SERTM2: variants seen among roughly 807,000 people sequenced by gnomAD.
The protein encoded by SERTM2 is serine rich and transmembrane domain containing 2.
chrX:111,517,610 G>T lies in SERTM2; in HGVS notation c.-783-465G>T, dbSNP rs892723400. 8.1e-5 allele frequency among the ~76,000 whole-genome samples: 9 copies of T among 110,719 alleles called. No individual in the cohort carries two copies. In the East Asian group the frequency reaches 2.3e-3, roughly 28 times the overall value. ...ATGTAAATAGGGTCAACTATTTACT[G>T]CTGAAGTCTTCCAAAATGATTTAAC... On this transcript the variant is annotated intron_variant, in intron 2 of 2. Transcript: ENST00000569275.
Position 111,521,825 on chromosome X carries a change from T to C in SERTM2, c.*2695T>C, listed in dbSNP as rs1369741641. The C allele has an allele frequency of 9.0e-6, 1 of 111,378 alleles. No individual in the cohort carries two copies. Among genetic ancestry groups the C allele is most frequent in the Admixed American group, 9.6e-5 (1 of 10,407 alleles). The allele number at this position is 111,378 out of a possible 1,213,427, so 9.2% of individuals were successfully genotyped here. Reference sequence around the variant, plus strand: ...TTTGATAGGCCAAAAAATGCTCAAATATCACCAACTTCATAAAATTCAACC... The same window carrying C: ...TTTGATAGGCCAAAAAATGCTCAAACATCACCAACTTCATAAAATTCAACC... On this transcript the variant is annotated 3_prime_UTR_variant, in exon 3 of 3. Transcript: ENST00000569275.
At position 111,520,269 on chromosome X, in the gene SERTM2, G is replaced by A. The variant is rs1430962552; in HGVS notation, c.*1139G>A. ...CCATTCTCATAAGTAGCCCTAGTAT[G>A]CCAGTAGTGTGGAGAGAATTTAATT... On this transcript the variant is annotated 3_prime_UTR_variant, in exon 3 of 3. Coordinates refer to ENST00000569275, the MANE Select transcript of SERTM2 (RefSeq NM_001354473.2). 11 of 111,717 alleles carry A rather than the reference G, an allele frequency of 9.8e-5. No individual in the cohort carries two copies. In the Admixed American group the frequency reaches 1.0e-3, roughly 11 times the overall value. 9.2% of individuals were successfully genotyped at this position (111,717 alleles called of 1,213,427 possible). A position where few individuals can be genotyped will look rare whatever the true frequency, so the allele number is the denominator to read the frequency against.
chrX:111,517,371 T>C (rs1930332211), intron 2 of SERTM2, among the ~76,000 whole-genome samples: 1 of 111,768 alleles, frequency 8.9e-6, no homozygotes, highest in South Asian at 3.7e-4. Flanking sequence ...TCAGTGGTTC[T>C]TAGTCCTGGC....
intron 2 of SERTM2, among the ~76,000 whole-genome samples, chrX:111,513,161 TA>T (rs1486231028): frequency 1.8e-5 from 2 of 108,743 alleles, no homozygotes; most frequent in Non-Finnish European, 3.8e-5. Context: ...CTCCCCCTCA[TA>T]ATCACTCATT....
intron 2 of SERTM2, among the ~76,000 whole-genome samples, chrX:111,516,244 G>A (rs1930307813): frequency 9.5e-6 from 1 of 105,592 alleles, no homozygotes; most frequent in South Asian, 4.5e-4. Flanking sequence ...TTATATTAGG[G>A]CCAACCTAAT....
chrX:111,512,096 T>A lies in SERTM2; in HGVS notation c.-784+2T>A. ...TATTCATACTGTGGGCCAGGAGAGG[T>A]AAGAAATATTTGGAAATATTACGAT... On this transcript the variant is annotated splice_donor_variant, in intron 2 of 2. Transcript: ENST00000569275. LOFTEE classifies it low-confidence loss of function (5UTR_SPLICE). 1 of 295,159 alleles carries A rather than the reference T, an allele frequency of 3.4e-6. No homozygotes were observed. Among genetic ancestry groups the A allele is most frequent in the Non-Finnish European group, 5.9e-6 (1 of 168,702 alleles). The allele number at this position is 295,159 out of a possible 1,213,427, so 24.3% of individuals were successfully genotyped here.
chrX:111,512,616 T>TA (rs1930247755), intron 2 of SERTM2, among the ~76,000 whole-genome samples: 1 of 111,752 alleles, frequency 8.9e-6, no homozygotes, highest in Admixed American at 9.5e-5. Flanking sequence ...CTCCAGCACC[T>TA]AAAAAAGTGT....
chrX:111,514,231 T>C (rs1930272085), intron 2 of SERTM2, among the ~76,000 whole-genome samples: 1 of 111,719 alleles, frequency 9.0e-6, no homozygotes, highest in Non-Finnish European at 1.9e-5. Flanking sequence ...GAGATAAGAC[T>C]GTGCCTCTCT....
rs775401740 is a variant in SERTM2, at chrX:111,518,718, G to A, written c.-140G>A. Reference sequence around the variant, plus strand: ...CACCATTTTCTGCTTGTGTGCTATTGCCTTAGCTCTGAGAGTGATTGGTTT... The same window carrying A: ...CACCATTTTCTGCTTGTGTGCTATTACCTTAGCTCTGAGAGTGATTGGTTT... On this transcript the variant is annotated 5_prime_UTR_variant, in exon 3 of 3. Coordinates refer to ENST00000569275, the MANE Select transcript of SERTM2 (RefSeq NM_001354473.2). The A allele has an allele frequency of 2.0e-5, 6 of 293,660 alleles. No individual in the cohort carries two copies. The East Asian group carries it at 2.9e-4, about 14-fold the overall frequency. 24.2% of individuals were successfully genotyped at this position (293,660 alleles called of 1,213,427 possible).
In SERTM2 at chrX:111,521,722, T is replaced by A. The variant is rs1429893733; in HGVS notation, c.*2592T>A. On this transcript the variant is annotated 3_prime_UTR_variant, in exon 3 of 3. Transcript: ENST00000569275. The stretch of plus-strand genomic sequence containing the variant: ...CCAGTATATAAACAGGTAGGTTATT[T>A]ATATATATGTGTACTCTGTTTTAAG... 1 of 107,155 alleles carries A rather than the reference T, an allele frequency of 9.3e-6. No homozygotes were observed. Among genetic ancestry groups the A allele is most frequent in the Non-Finnish European group, 1.9e-5 (1 of 51,976 alleles). The allele number at this position is 107,155 out of a possible 1,213,427, so 8.8% of individuals were successfully genotyped here.
chrX:111,513,481 T>C (rs1930262449), intron 2 of SERTM2, among the ~76,000 whole-genome samples: 1 of 111,654 alleles, frequency 9.0e-6, no homozygotes, highest in Non-Finnish European at 1.9e-5. Context: ...CCTTTTGAAA[T>C]TGCATGGTTG....
Position 111,519,700 on chromosome X carries a change from CTG to C in SERTM2, c.*572_*573del, listed in dbSNP as rs766867020. On this transcript the variant is annotated 3_prime_UTR_variant, in exon 3 of 3. Transcript: ENST00000569275. The stretch of plus-strand genomic sequence containing the variant: ...AAATGAAAGAAGAGATTTAAAGAAA[CTG>C]TTTCAGTTTAGAGAGCAAGTTTTCA... 2.7e-5 allele frequency: 3 copies of C among 111,957 alleles called. No individual in the cohort carries two copies. Among genetic ancestry groups the C allele is most frequent in the African/African-American group, 9.7e-5 (3 of 30,947 alleles). 9.2% of individuals were successfully genotyped at this position (111,957 alleles called of 1,213,427 possible).
intron 2 of SERTM2, among the ~76,000 whole-genome samples, chrX:111,512,557 A>G (rs1186741990): frequency 9.0e-6 from 1 of 111,713 alleles, no homozygotes; most frequent in Non-Finnish European, 1.9e-5. Flanking sequence ...AGTAACTACT[A>G]GGAGCACCCT....
intron 2 of SERTM2, among the ~76,000 whole-genome samples, chrX:111,517,556 C>T (rs1304566464): frequency 4.5e-5 from 5 of 111,381 alleles, no homozygotes; most frequent in African/African-American, 1.6e-4. Flanking sequence ...TAGATAGAAC[C>T]TTCTTTTTGT....
intron 2 of SERTM2, among the ~76,000 whole-genome samples, chrX:111,516,636 C>A (rs146237734): frequency 0.053 from 5,736 of 109,212 alleles, 396 homozygotes; most frequent in African/African-American, 0.19. Context: ...TTATATATCT[C>A]TCTCTCTCTC....
At position 111,518,381 on chromosome X, in the gene SERTM2, C is replaced by T. The variant is rs1930353219; in HGVS notation, c.-477C>T. On this transcript the variant is annotated 5_prime_UTR_variant, in exon 3 of 3. Transcript: ENST00000569275. ...TACAAAAGCCTTCAGATAGTCTCCT[C>T]GCAGAAGAGCCCAATTAAGTCCACA... is the stretch of plus-strand genomic sequence containing the variant. The T allele has an allele frequency of 8.9e-6, 1 of 112,561 alleles. No individual in the cohort carries two copies. Among genetic ancestry groups the T allele is most frequent in the African/African-American group, 3.3e-5 (1 of 30,744 alleles). The allele number at this position is 112,561 out of a possible 1,213,427, so 9.3% of individuals were successfully genotyped here. A position where few individuals can be genotyped will look rare whatever the true frequency, so the allele number is the denominator to read the frequency against.
intron 1 of SERTM2, 33 bp downstream of exon 1, chrX:111,511,867 T>C (rs966339076): frequency 3.9e-5 from 11 of 281,643 alleles, no homozygotes; most frequent in Non-Finnish European, 5.6e-5. Flanking sequence ...AGTAACATTT[T>C]AAGTAATAGA....
At chrX:111,516,504 G>C (rs1930313688) in intron 2 of SERTM2, among the ~76,000 whole-genome samples, 1 of 110,673 alleles carries the variant, frequency 9.0e-6, no homozygotes, top group South Asian at 3.9e-4. Flanking sequence ...TACTTGAAAG[G>C]CTTGTGTTTA....
chrX:111,512,439 T>C (rs185031955), intron 2 of SERTM2, among the ~76,000 whole-genome samples: 41 of 112,270 alleles, frequency 3.7e-4, no homozygotes, highest in African/African-American at 1.3e-3. Context: ...TTTCCTTAAC[T>C]ACTTGATGAG....
Sources: allele counts gnomAD v4.1 joint callset (sites outside exome capture counted in the v4.1 genomes callset), GRCh38; gene constraint gnomAD v4.1.1; transcripts MANE v1.5; gene names NCBI Gene and HGNC (gene_info 2026-07-23, HGNC 2026-07-21).